The following ARHGAP12 variants were observed in gnomAD, a reference collection of about 807,000 sequenced individuals.
ARHGAP12 encodes the protein rho GTPase-activating protein 12.
Under a neutral mutation model 108.6 loss-of-function variants are expected in ARHGAP12, and 64 were observed. The ratio of observed to expected loss-of-function variants is 0.59; its 90% CI spans 0.48 to 0.73. The LOEUF is 0.73. Among genes scored for constraint, ARHGAP12 ranks in the 30% least tolerant of loss-of-function variants. ARHGAP12 has a pLI of 0.00. For missense variants in ARHGAP12, 940 were observed against 1,005.9 expected, an observed-to-expected ratio of 0.93 and a Z score of 0.89; for synonymous variants, 312 against 337.2, an observed-to-expected ratio of 0.93 and a Z score of 0.82.
At chr10:31,852,948 G>A (rs1328307913) in intron 5 of ARHGAP12, among the ~76,000 whole-genome samples, 3 of 151,962 alleles carry the variant, frequency 2.0e-5, no homozygotes, top group Non-Finnish European at 4.4e-5. Context: ...GGCTGGTATC[G>A]AAATCCTGAC....
chr10:31,893,021 A>G, intron 3 of ARHGAP12, among the ~76,000 whole-genome samples: 1 of 152,216 alleles, frequency 6.6e-6, no homozygotes, highest in Admixed American at 6.5e-5. Flanking sequence ...AACAAAATGA[A>G]GGCAGAAATA....
intron 3 of ARHGAP12, among the ~76,000 whole-genome samples, chr10:31,872,733 T>C (rs1837587959): frequency 6.6e-6 from 1 of 152,094 alleles, no homozygotes; most frequent in South Asian, 2.1e-4. Flanking sequence ...TCAATGAAAA[T>C]TTCATTAACT....
Position 31,908,530 on chromosome 10 carries a change from T to C in ARHGAP12, c.326A>G (p.Lys109Arg). 5 of 1,614,210 alleles carry C rather than the reference T, an allele frequency of 3.1e-6. No homozygotes were observed. The highest frequency in any genetic ancestry group is 3.4e-6 in the Non-Finnish European group (4 of 1,180,030). The part of the protein sequence containing the change: ...HLQRSTENVN[K>R]LPELSSFGKP... ...TCCGAAACTTGAAAGCTCAGGCAAT[T>C]TGTTCACATTTTCTGTTGATCTCTG... Residue 109 changes from lysine to arginine, a missense_variant, in exon 3 of 20, where the codon AAA becomes AGA. Coordinates refer to ENST00000344936, the MANE Select transcript of ARHGAP12 (RefSeq NM_018287.7).
At chr10:31,808,579 C>A in intron 19 of ARHGAP12, 70 bp downstream of exon 19, 1 of 1,381,366 alleles carries the variant, frequency 7.2e-7, no homozygotes, top group East Asian at 2.3e-5. Context: ...GTCTGAGTGA[C>A]CCTGGCCCCA....
intron 4 of ARHGAP12, among the ~76,000 whole-genome samples, chr10:31,858,455 T>C (rs1836974738): frequency 6.6e-6 from 1 of 152,136 alleles, no homozygotes; most frequent in Non-Finnish European, 1.5e-5. Flanking sequence ...TGGTGGCCCA[T>C]ACTTGTAGTC....
intron 19 of ARHGAP12, 37 bp from the exon 20 acceptor site, chr10:31,807,869 AAGAG>A: frequency 7.0e-7 from 1 of 1,426,728 alleles, no homozygotes; most frequent in South Asian, 1.6e-5. Context: ...AAGAGAAAAT[AAGAG>A]AGAGGGAAAA....
At chr10:31,900,377 A>G (rs955586672) in intron 3 of ARHGAP12, among the ~76,000 whole-genome samples, 3 of 152,216 alleles carry the variant, frequency 2.0e-5, no homozygotes, top group Non-Finnish European at 2.9e-5. Flanking sequence ...TTAAGGATTT[A>G]CCCATCTGAT....
chr10:31,874,380 T>C (rs1222006041), intron 3 of ARHGAP12, among the ~76,000 whole-genome samples: 1 of 152,140 alleles, frequency 6.6e-6, no homozygotes, highest in African/African-American at 2.4e-5. Flanking sequence ...ACTACATAAA[T>C]GGGTTTCTAA....
At chr10:31,880,889 G>A (rs1423246183) in intron 3 of ARHGAP12, among the ~76,000 whole-genome samples, 1 of 144,982 alleles carries the variant, frequency 6.9e-6, no homozygotes, top group East Asian at 2.1e-4. Flanking sequence ...GCAAAGCTTT[G>A]ACTCTACCAA....
intron 10 of ARHGAP12, among the ~76,000 whole-genome samples, chr10:31,830,683 G>A (rs1835797819): frequency 6.6e-6 from 1 of 152,000 alleles, no homozygotes; most frequent in South Asian, 2.1e-4. Flanking sequence ...ATACTGCACA[G>A]AGTTAATTTC....
At chr10:31,862,725 C>G (rs1248474612) in intron 3 of ARHGAP12, among the ~76,000 whole-genome samples, 14 of 149,494 alleles carry the variant, frequency 9.4e-5, no homozygotes, top group African/African-American at 3.2e-4. Flanking sequence ...CACACACACA[C>G]ACACACACAC....
rs1216705535 is a variant in ARHGAP12 at position 31,805,647 on chromosome 10, T to TACACACACAC, written c.*2010_*2011insGTGTGTGTGT. ...TGTAGACTAATAAAACATTTAAGAC[T>TACACACACAC]TCACACACACACACACACACACACA... is the stretch of plus-strand genomic sequence containing the variant. On this transcript the variant is annotated 3_prime_UTR_variant, in exon 20 of 20. Transcript: ENST00000344936. 4.2e-5 allele frequency: 2 copies of TACACACACAC among 47,950 alleles called. No homozygotes were observed. The highest frequency in any genetic ancestry group is 7.5e-5 in the Non-Finnish European group (2 of 26,550). The allele number at this position is 47,950 out of a possible 1,614,324, so 3.0% of individuals were successfully genotyped here.
At chr10:31,914,323 A>C (rs1395168743) in intron 1 of ARHGAP12, among the ~76,000 whole-genome samples, 1 of 152,096 alleles carries the variant, frequency 6.6e-6, no homozygotes, top group Non-Finnish European at 1.5e-5. Context: ...TAATTCTCTA[A>C]TTAAATATAA....
At chr10:31,874,194 T>C (rs933005980) in intron 3 of ARHGAP12, among the ~76,000 whole-genome samples, 4 of 152,214 alleles carry the variant, frequency 2.6e-5, no homozygotes, top group African/African-American at 9.7e-5. Context: ...AGATAAAAAA[T>C]TGATCCATAG....
At chr10:31,875,544 G>T (rs1306619940) in intron 3 of ARHGAP12, among the ~76,000 whole-genome samples, 1 of 152,178 alleles carries the variant, frequency 6.6e-6, no homozygotes, top group East Asian at 1.9e-4. Context: ...GAATAGGATT[G>T]TTCTGTAATC....
intron 3 of ARHGAP12, among the ~76,000 whole-genome samples, chr10:31,874,513 C>CTT (rs1837652559): frequency 6.6e-6 from 1 of 152,108 alleles, no homozygotes; most frequent in Non-Finnish European, 1.5e-5. Flanking sequence ...GCATTATTTC[C>CTT]TTAAAGCTGT....
At chr10:31,881,853 GAAT>G (rs1259866718) in intron 3 of ARHGAP12, among the ~76,000 whole-genome samples, 1 of 150,614 alleles carries the variant, frequency 6.6e-6, no homozygotes, top group Non-Finnish European at 1.5e-5. Context: ...AGTGTTCACA[GAAT>G]AGGAGAAATA....
intron 3 of ARHGAP12, among the ~76,000 whole-genome samples, chr10:31,878,152 A>G (rs1837804857): frequency 6.6e-6 from 1 of 152,186 alleles, no homozygotes; most frequent in Admixed American, 6.5e-5. Context: ...TTAAATTATG[A>G]AACACAGATA....
intron 10 of ARHGAP12, chr10:31,827,090 C>G (rs1017942605): frequency 3.9e-5 from 6 of 152,082 alleles, no homozygotes; most frequent in African/African-American, 1.4e-4. Flanking sequence ...AGAAACTGTC[C>G]ACTTATCTAC....
Sources: gnomAD v4.1 joint callset for allele counts (sites outside exome capture counted in the v4.1 genomes callset) on GRCh38, gnomAD v4.1.1 for gene constraint, MANE v1.5 for transcripts, NCBI Gene and HGNC (gene_info 2026-07-23, HGNC 2026-07-21) for gene names.